Variants in KAT6B observed in about 807,000 individuals in gnomAD.
KAT6B encodes lysine acetyltransferase 6B, also known as histone acetyltransferase KAT6B.
Under a neutral mutation model 187.5 loss-of-function variants are expected in KAT6B, and 10 were observed. The observed-to-expected ratio is 0.05, with a 90% CI of 0.03 to 0.09. KAT6B has a LOEUF of 0.09. Among genes scored for constraint, KAT6B ranks in the 10% least tolerant of loss-of-function variants. The pLI is 1.00. For synonymous variants in KAT6B, 861 were observed against 926.8 expected (o/e 0.93, Z 1.29); for missense variants, 1,952 against 2,558.9 (o/e 0.76, Z 5.12).
At chr10:74,956,087 C>A (rs1014662283) in intron 3 of KAT6B, among the ~76,000 whole-genome samples, 2 of 152,124 alleles carry the variant, frequency 1.3e-5, no homozygotes, top group Non-Finnish European at 2.9e-5. Flanking sequence ...CCATGCCTGC[C>A]TAATTTTTTT....
intron 3 of KAT6B, among the ~76,000 whole-genome samples, chr10:74,905,047 G>A (rs1262994977): frequency 6.6e-6 from 1 of 152,144 alleles, no homozygotes; most frequent in African/African-American, 2.4e-5. Context: ...TAGTGAAGAA[G>A]GGTTTTTATT....
At chr10:74,965,653 T>C (rs953170165) in intron 4 of KAT6B, among the ~76,000 whole-genome samples, 2 of 152,132 alleles carry the variant, frequency 1.3e-5, no homozygotes, top group African/African-American at 4.8e-5. Flanking sequence ...AAGTCCATCA[T>C]GGGTCTCACC....
chr10:75,017,116 G>A (rs1445797963), intron 13 of KAT6B, among the ~76,000 whole-genome samples: 4 of 151,952 alleles, frequency 2.6e-5, no homozygotes, highest in Non-Finnish European at 4.4e-5. Flanking sequence ...GCCCACCTCA[G>A]CCTCCCAAAG....
chr10:75,015,412 A>G (rs1323995727), intron 13 of KAT6B, among the ~76,000 whole-genome samples: 1 of 152,226 alleles, frequency 6.6e-6, no homozygotes, highest in Non-Finnish European at 1.5e-5. Context: ...AAGGTTCAGC[A>G]TCCTTCTGCA....
At chr10:74,854,469 C>G (rs1272743297) in intron 3 of KAT6B, among the ~76,000 whole-genome samples, 1 of 151,118 alleles carries the variant, frequency 6.6e-6, no homozygotes, top group Non-Finnish European at 1.5e-5. Flanking sequence ...TATGTTTTTT[C>G]TGTTTTTTTT....
intron 4 of KAT6B, among the ~76,000 whole-genome samples, chr10:74,964,861 A>G (rs1841350282): frequency 6.6e-6 from 1 of 152,222 alleles, no homozygotes; most frequent in Non-Finnish European, 1.5e-5. Context: ...AGGAATCACC[A>G]AAAACACATT....
In KAT6B at chr10:75,028,629, T is replaced by C; in HGVS notation, c.3805T>C (p.Phe1269Leu). The change falls in exon 18 of 18, where the codon TTT becomes CTT. Residue 1269 changes from phenylalanine to leucine, a missense_variant. This residue lies in a region of KAT6B where 758 missense variants were observed against 891.4 expected (regional missense o/e 0.85). Transcript: ENST00000287239. ...WRQNKERKTG[F>L]KLNLYTPPET... ...GCAAAACAAAGAGAGGAAGACCGGA[T>C]TTAAACTGAATTTGTACACCCCGCC... 6.2e-7 allele frequency: 1 copy of C among 1,614,048 alleles called. No homozygotes were observed. Among genetic ancestry groups the C allele is most frequent in the Non-Finnish European group, 8.5e-7 (1 of 1,180,002 alleles).
intron 3 of KAT6B, among the ~76,000 whole-genome samples, chr10:74,899,425 C>T (rs1368457870): frequency 2.0e-5 from 3 of 151,738 alleles, no homozygotes; most frequent in Non-Finnish European, 1.5e-5. Flanking sequence ...AGGCGCCTGC[C>T]ACCATGCCTG....
At chr10:75,014,494 G>T (rs965934024) in intron 13 of KAT6B, among the ~76,000 whole-genome samples, 12 of 151,798 alleles carry the variant, frequency 7.9e-5, no homozygotes, top group Non-Finnish European at 1.8e-4. Context: ...TACATAATGG[G>T]TTTATCGTTA....
At chr10:74,839,241 T>C (rs1841546149) in intron 2 of KAT6B, among the ~76,000 whole-genome samples, 1 of 151,808 alleles carries the variant, frequency 6.6e-6, no homozygotes, top group Admixed American at 6.6e-5. Flanking sequence ...ATTTTTTTTT[T>C]TTTTTTGAGA....
At chr10:74,859,083 C>A (rs1842997621) in intron 3 of KAT6B, among the ~76,000 whole-genome samples, 1 of 151,472 alleles carries the variant, frequency 6.6e-6, no homozygotes, top group Admixed American at 6.6e-5. Context: ...AATTTTATGT[C>A]TTTTATTTAT....
At chr10:74,893,309 C>G (rs1845762831) in intron 3 of KAT6B, among the ~76,000 whole-genome samples, 1 of 152,308 alleles carries the variant, frequency 6.6e-6, no homozygotes, top group Non-Finnish European at 1.5e-5. Context: ...GGACCCCTCT[C>G]TTTTTCCTCA....
intron 1 of KAT6B, among the ~76,000 whole-genome samples, chr10:74,830,764 ATATATTTTTTTTTTTTT>A (rs1840762235): frequency 3.7e-5 from 1 of 26,946 alleles, no homozygotes; most frequent in African/African-American, 3.0e-4. Context: ...ATATATATAT[ATATATTTTTTTTTTTTT>A]TTTTTTTTTT....
chr10:74,831,538 T>C (rs1840862849), intron 1 of KAT6B, among the ~76,000 whole-genome samples: 1 of 152,232 alleles, frequency 6.6e-6, no homozygotes, highest in Non-Finnish European at 1.5e-5. Context: ...CACTTTTTTC[T>C]GTTCTCTGTC....
At chr10:75,026,580 G>A (rs1347843499) in intron 17 of KAT6B, among the ~76,000 whole-genome samples, 2 of 151,546 alleles carry the variant, frequency 1.3e-5, no homozygotes, top group Non-Finnish European at 2.9e-5. Context: ...TTTGCTGAAG[G>A]AATGACTTCT....
intron 1 of KAT6B, among the ~76,000 whole-genome samples, chr10:74,830,614 T>C (rs1840681064): frequency 6.6e-6 from 1 of 150,670 alleles, no homozygotes; most frequent in African/African-American, 2.4e-5. Flanking sequence ...CCTCCAGCAA[T>C]ATATGAATTC....
intron 3 of KAT6B, among the ~76,000 whole-genome samples, chr10:74,867,117 C>T (rs997623434): frequency 6.6e-6 from 1 of 151,948 alleles, no homozygotes; most frequent in Non-Finnish European, 1.5e-5. Context: ...TGGTTAGCTG[C>T]GTGATGTCCT....
At chr10:74,864,173 A>G (rs1294068970) in intron 3 of KAT6B, among the ~76,000 whole-genome samples, 1 of 151,638 alleles carries the variant, frequency 6.6e-6, no homozygotes, top group Non-Finnish European at 1.5e-5. Flanking sequence ...GGTTCAAGTG[A>G]TTCTCTTGCC....
intron 3 of KAT6B, among the ~76,000 whole-genome samples, chr10:74,849,552 CA>C (rs1296160465): frequency 6.6e-6 from 1 of 152,164 alleles, no homozygotes; most frequent in Non-Finnish European, 1.5e-5. Context: ...CTTGGCATCT[CA>C]AAGTGCTAGG....
Sources: allele counts gnomAD v4.1 joint callset (sites outside exome capture counted in the v4.1 genomes callset), GRCh38; gene constraint gnomAD v4.1.1; regional missense constraint gnomAD v4.1.1; transcripts MANE v1.5; gene names NCBI Gene and HGNC (gene_info 2026-07-23, HGNC 2026-07-21).